CDC25C: variants seen among roughly 807,000 people sequenced by gnomAD.
The protein encoded by CDC25C is M-phase inducer phosphatase 3.
A neutral mutation model predicts 52.5 loss-of-function variants in CDC25C; 48 were observed. The ratio of observed to expected loss-of-function variants is 0.91; its 90% CI spans 0.72 to 1.16. CDC25C has a LOEUF of 1.16. Among genes scored for constraint, CDC25C ranks in the 50% most tolerant of loss-of-function variants. CDC25C has a pLI of 0.00. For synonymous variants in CDC25C, 187 were observed against 206.5 expected (o/e 0.91, Z 0.81); for missense variants, 510 against 566.1 (o/e 0.90, Z 1.01).
At chr5:138,296,386 C>T (rs1757179424) in intron 7 of CDC25C, among the ~76,000 whole-genome samples, 1 of 151,952 alleles carries the variant, frequency 6.6e-6, no homozygotes, top group Admixed American at 6.6e-5. Context: ...CAGGCGTGCA[C>T]CACCACCCCT....
At chr5:138,290,337 T>G (rs1756605332) in intron 9 of CDC25C, among the ~76,000 whole-genome samples, 2 of 152,200 alleles carry the variant, frequency 1.3e-5, no homozygotes, top group African/African-American at 4.8e-5. Flanking sequence ...TTGGGATAAA[T>G]TTCTTCATTT....
At chr5:138,325,925 A>G in intron 5 of CDC25C, 21 bp from the exon 6 acceptor site, 2 of 1,612,414 alleles carry the variant, frequency 1.2e-6, no homozygotes, top group Non-Finnish European at 1.7e-6. Flanking sequence ...GAGTTTGCTG[A>G]GAACGTCCAG....
intron 8 of CDC25C, 72 bp from the exon 9 acceptor site, chr5:138,290,812 G>C: frequency 2.2e-6 from 2 of 901,724 alleles, no homozygotes; most frequent in Non-Finnish European, 3.7e-6. Context: ...GGATGGAGTG[G>C]GCCATGGTGG....
chr5:138,317,144 A>G (rs1758939770), intron 7 of CDC25C, among the ~76,000 whole-genome samples: 1 of 152,096 alleles, frequency 6.6e-6, no homozygotes, highest in Non-Finnish European at 1.5e-5. Context: ...AGTCCTAGCT[A>G]CTCAGGAGGC....
intron 9 of CDC25C, among the ~76,000 whole-genome samples, chr5:138,290,352 C>T (rs1756606497): frequency 1.3e-5 from 2 of 152,122 alleles, no homozygotes; most frequent in African/African-American, 4.8e-5. Context: ...TCATTTTCTA[C>T]TTTTTCTGTA....
At position 138,309,456 on chromosome 5, in the gene CDC25C, T is replaced by C. The variant is rs1004304352; in HGVS notation, c.615+9763A>G. 2.7e-5 allele frequency among the ~76,000 whole-genome samples: 4 copies of C among 150,072 alleles called. No homozygotes were observed. The East Asian group carries it at 5.9e-4, about 22-fold the overall frequency. The stretch of plus-strand genomic sequence containing the variant: ...CCTGTAATCCTACCCACCTGGGAGG[T>C]TGAGGCAGGAGAATCTCTTGAACCC... On this transcript the variant is annotated intron_variant, in intron 7 of 13. Coordinates refer to ENST00000323760, the MANE Select transcript of CDC25C (RefSeq NM_001790.5).
At chr5:138,297,171 A>G (rs1189628253) in intron 7 of CDC25C, among the ~76,000 whole-genome samples, 1 of 152,034 alleles carries the variant, frequency 6.6e-6, no homozygotes, top group Non-Finnish European at 1.5e-5. Context: ...TCGGCCTGCC[A>G]AAGTGCTGGG....
At chr5:138,291,936 G>T (rs11567990) in intron 8 of CDC25C, 34 bp downstream of exon 8, 49,189 of 1,577,220 alleles carry the variant, frequency 0.031, 902 homozygotes, top group Middle Eastern at 0.049. Context: ...TGAGATAGAA[G>T]ATGAACAAGA....
chr5:138,322,325 A>T (rs914212490), intron 6 of CDC25C, among the ~76,000 whole-genome samples: 19 of 150,632 alleles, frequency 1.3e-4, no homozygotes, highest in African/African-American at 4.6e-4. Flanking sequence ...TTTGAGACAG[A>T]GTCTCGCTCT....
At chr5:138,327,118 C>T (rs951698535) in intron 4 of CDC25C, among the ~76,000 whole-genome samples, 5 of 147,412 alleles carry the variant, frequency 3.4e-5, no homozygotes, top group South Asian at 4.4e-4. Flanking sequence ...AGCTGGGCGT[C>T]GTGGCATGTG....
chr5:138,290,767 C>T, intron 8 of CDC25C, 27 bp from the exon 9 acceptor site: 1 of 1,341,378 alleles, frequency 7.5e-7, no homozygotes, highest in Non-Finnish European at 1.1e-6. Flanking sequence ...TCCCACCCCA[C>T]ACCCAATCCT....
At chr5:138,296,607 TA>T (rs1294185042) in intron 7 of CDC25C, among the ~76,000 whole-genome samples, 82 of 135,236 alleles carry the variant, frequency 6.1e-4, no homozygotes, top group African/African-American at 1.8e-3. Flanking sequence ...TATTATTAAT[TA>T]TTTTTTTTTT....
At chr5:138,309,803 T>G (rs1203082692) in intron 7 of CDC25C, among the ~76,000 whole-genome samples, 1 of 147,402 alleles carries the variant, frequency 6.8e-6, no homozygotes, top group African/African-American at 2.5e-5. Flanking sequence ...ACCTCTCAGG[T>G]TCAAGCGATT....
chr5:138,338,010 C>T (rs2126878317), exon 1 of CDC25C: 1 of 1,289,660 alleles, frequency 7.8e-7, no homozygotes, highest in Non-Finnish European at 1.0e-6. Flanking sequence ...CAACTGGGGC[C>T]GTCCACTTTC....
chr5:138,289,353 T>C (rs1335386080), intron 10 of CDC25C, 148 bp downstream of exon 10: 7 of 591,116 alleles, frequency 1.2e-5, no homozygotes, highest in East Asian at 2.8e-5. Flanking sequence ...GGGAAAAAAA[T>C]GAGTCCTTCA....
intron 4 of CDC25C, among the ~76,000 whole-genome samples, chr5:138,326,922 A>G (rs1416408355): frequency 2.8e-5 from 4 of 141,256 alleles, no homozygotes; most frequent in Non-Finnish European, 6.0e-5. Flanking sequence ...ATTGCACTTA[A>G]GCCTAGGCAA....
intron 7 of CDC25C, among the ~76,000 whole-genome samples, chr5:138,312,898 G>C (rs535292052): frequency 2.8e-4 from 43 of 152,176 alleles, no homozygotes; most frequent in South Asian, 6.2e-4. Flanking sequence ...TCTGATACAT[G>C]CTACAACACT....
At position 138,294,112 on chromosome 5, in the gene CDC25C, G is replaced by A. The variant is rs544154770; in HGVS notation, c.616-1996C>T. On this transcript the variant is annotated intron_variant, in intron 7 of 13. Transcript: ENST00000323760. Reference sequence around the variant, plus strand: ...ATGATCTCGGCTCATTGCAACCTCCGCCTCCCAGGTTCAAGTGATTCTCCT... The same window carrying A: ...ATGATCTCGGCTCATTGCAACCTCCACCTCCCAGGTTCAAGTGATTCTCCT... Among the ~76,000 whole-genome samples, 150 of 140,560 alleles carry A rather than the reference G, an allele frequency of 1.1e-3. 1 individual carries two copies. Among genetic ancestry groups the A allele is most frequent in the Non-Finnish European group, 1.8e-3 (117 of 66,166 alleles). 92.2% of individuals were successfully genotyped at this position (140,560 alleles called of 152,430 possible). A position where few individuals can be genotyped will look rare whatever the true frequency, so the allele number is the denominator to read the frequency against.
upstream of CDC25C, chr5:138,333,364 G>A (rs1760529535): frequency 6.6e-6 from 1 of 152,138 alleles, no homozygotes. Context: ...CAGGATCTTG[G>A]TGGTGGTAGT....
Sources: gnomAD v4.1 joint callset for allele counts (sites outside exome capture counted in the v4.1 genomes callset) on GRCh38, gnomAD v4.1.1 for gene constraint, MANE v1.5 for transcripts, NCBI Gene and HGNC (gene_info 2026-07-23, HGNC 2026-07-21) for gene names.